The following XKR4 variants were observed in gnomAD, a reference collection of about 807,000 sequenced individuals.
XKR4 encodes the protein XK-related protein 4.
Under a neutral mutation model 53.9 loss-of-function variants are expected in XKR4, and 12 were observed. The observed-to-expected ratio is 0.22, with a 90% CI of 0.14 to 0.36. The LOEUF is 0.36. XKR4 is among the 10% of genes least tolerant of loss of function. XKR4 has a pLI of 1.00. For synonymous variants in XKR4, 354 were observed against 362.4 expected (o/e 0.98, Z 0.26); for missense variants, 799 against 859.5 (o/e 0.93, Z 0.88).
chr8:55,155,441 A>G (rs775674741), intron 1 of XKR4, among the ~76,000 whole-genome samples: 3 of 152,172 alleles, frequency 2.0e-5, no homozygotes, highest in Admixed American at 1.3e-4. Context: ...TTCAAAATAG[A>G]TATACATTTT....
chr8:55,152,891 T>G (rs1816856922), intron 1 of XKR4, among the ~76,000 whole-genome samples: 1 of 152,208 alleles, frequency 6.6e-6, no homozygotes, highest in Non-Finnish European at 1.5e-5. Context: ...TACTCACCTG[T>G]GAAGTGTGAG....
chr8:55,259,234 T>A (rs940671447), intron 1 of XKR4, among the ~76,000 whole-genome samples: 1 of 152,184 alleles, frequency 6.6e-6, no homozygotes, highest in Non-Finnish European at 1.5e-5. Context: ...TGGGTTCAGG[T>A]TGTTCTTGAG....
chr8:55,186,381 C>T (rs1045662707), intron 1 of XKR4, among the ~76,000 whole-genome samples: 22 of 152,116 alleles, frequency 1.4e-4, no homozygotes, highest in Non-Finnish European at 2.2e-4. Context: ...AGAGGCCGGG[C>T]GCTGTGGCTC....
At chr8:55,399,788 C>T (rs1470370110) in intron 2 of XKR4, among the ~76,000 whole-genome samples, 2 of 152,162 alleles carry the variant, frequency 1.3e-5, no homozygotes, top group Non-Finnish European at 2.9e-5. Context: ...GGCGAGTTAA[C>T]CTAAGAACAG....
chr8:55,353,133 T>C (rs1803748996), intron 1 of XKR4, among the ~76,000 whole-genome samples: 1 of 152,322 alleles, frequency 6.6e-6, no homozygotes, highest in South Asian at 2.1e-4. Flanking sequence ...GGAGAAGTCA[T>C]GGAGTGAACA....
chr8:55,109,240 A>G (rs748791256), intron 1 of XKR4, among the ~76,000 whole-genome samples: 5 of 152,182 alleles, frequency 3.3e-5, no homozygotes, highest in Non-Finnish European at 4.4e-5. Flanking sequence ...TGGTAGAGAG[A>G]CTAACTCTCA....
rs185131550 is a variant in XKR4, at chr8:55,226,400, G to C, written c.806+123106G>C. On this transcript the variant is annotated intron_variant, in intron 1 of 2. Transcript: ENST00000327381. ...AACTTTGCTATGCGTGAAGTTAAAG[G>C]CATGGTAAAAGAGGTCTTTCACACT... 3.3e-5 allele frequency among the ~76,000 whole-genome samples: 5 copies of C among 152,240 alleles called. No homozygotes were observed. In the East Asian group the frequency reaches 7.7e-4, roughly 24 times the overall value.
At chr8:55,153,508 TA>T (rs1173976813) in intron 1 of XKR4, among the ~76,000 whole-genome samples, 1 of 152,192 alleles carries the variant, frequency 6.6e-6, no homozygotes, top group Non-Finnish European at 1.5e-5. Flanking sequence ...CTAGGAGAAC[TA>T]CCTTCACAAA....
At chr8:55,181,410 C>T (rs561633171) in intron 1 of XKR4, among the ~76,000 whole-genome samples, 7 of 152,304 alleles carry the variant, frequency 4.6e-5, no homozygotes, top group Admixed American at 3.9e-4. Flanking sequence ...CCTCCCTTCT[C>T]TCTTTTCTCC....
At chr8:55,327,417 A>G (rs909202670) in intron 1 of XKR4, among the ~76,000 whole-genome samples, 1 of 151,782 alleles carries the variant, frequency 6.6e-6, no homozygotes. Context: ...AAGAGTGTGA[A>G]GGAAAGTAGG....
At chr8:55,479,368 C>T (rs1279773591) in intron 2 of XKR4, among the ~76,000 whole-genome samples, 1 of 151,896 alleles carries the variant, frequency 6.6e-6, no homozygotes, top group Non-Finnish European at 1.5e-5. Flanking sequence ...AAAGACACAA[C>T]ATACCAGAAT....
intron 1 of XKR4, among the ~76,000 whole-genome samples, chr8:55,201,958 C>T (rs6999054): frequency 0.28 from 42,736 of 152,034 alleles, 6,769 homozygotes; most frequent in African/African-American, 0.44. Flanking sequence ...TGTCTTTCTT[C>T]GGTTGCTAAA....
At chr8:55,507,365 T>C (rs993904583) in intron 2 of XKR4, among the ~76,000 whole-genome samples, 11 of 152,094 alleles carry the variant, frequency 7.2e-5, no homozygotes, top group Non-Finnish European at 1.2e-4. Flanking sequence ...TTTTTTTTTA[T>C]TATACTTTAA....
intron 2 of XKR4, among the ~76,000 whole-genome samples, chr8:55,425,564 G>A (rs1286151108): frequency 1.3e-5 from 2 of 152,072 alleles, no homozygotes; most frequent in Non-Finnish European, 2.9e-5. Flanking sequence ...CCTCCCAAAT[G>A]AGTATGTTCA....
intron 1 of XKR4, among the ~76,000 whole-genome samples, chr8:55,238,347 G>C (rs1257458542): frequency 1.3e-5 from 2 of 152,234 alleles, no homozygotes. Flanking sequence ...CTAAGTGGAA[G>C]TGGATCATCA....
chr8:55,477,553 G>A lies in XKR4; in HGVS notation c.1007-45728G>A, dbSNP rs571390781. ...CACTAGCAATGGAACAAAGCTGGACGGAGAATGACTTTGACAAGATGAGAG... is the reference window on the plus strand; with the variant it reads ...CACTAGCAATGGAACAAAGCTGGACAGAGAATGACTTTGACAAGATGAGAG... On this transcript the variant is annotated intron_variant, in intron 2 of 2. Coordinates refer to ENST00000327381, the MANE Select transcript of XKR4 (RefSeq NM_052898.2). Among the ~76,000 whole-genome samples, 16 of 152,282 alleles carry A rather than the reference G, an allele frequency of 1.1e-4. No individual in the cohort carries two copies. In the South Asian group the frequency reaches 1.2e-3, roughly 12 times the overall value.
intron 2 of XKR4, among the ~76,000 whole-genome samples, chr8:55,428,054 C>T (rs1585568029): frequency 6.6e-6 from 1 of 152,170 alleles, no homozygotes; most frequent in African/African-American, 2.4e-5. Context: ...TCTATGGGAA[C>T]TGGATGTGAT....
At chr8:55,110,415 T>C (rs1035576674) in intron 1 of XKR4, among the ~76,000 whole-genome samples, 2 of 152,146 alleles carry the variant, frequency 1.3e-5, no homozygotes, top group Non-Finnish European at 2.9e-5. Flanking sequence ...AAAGAATACA[T>C]ACTCAGTGAA....
At chr8:55,233,818 C>A (rs764147102) in intron 1 of XKR4, among the ~76,000 whole-genome samples, 4 of 152,166 alleles carry the variant, frequency 2.6e-5, no homozygotes, top group African/African-American at 7.2e-5. Flanking sequence ...ATGCAGCAAG[C>A]ACATACCTGT....
Sources: gnomAD v4.1 joint callset for allele counts (sites outside exome capture counted in the v4.1 genomes callset) on GRCh38, gnomAD v4.1.1 for gene constraint, MANE v1.5 for transcripts, NCBI Gene and HGNC (gene_info 2026-07-23, HGNC 2026-07-21) for gene names.